Variants in UVRAG observed in about 807,000 individuals in gnomAD.
UVRAG encodes the protein UV radiation resistance associated.
Under a neutral mutation model 78.0 loss-of-function variants are expected in UVRAG, and 19 were observed. The ratio of observed to expected loss-of-function variants is 0.24; its 90% CI spans 0.17 to 0.36. The LOEUF is 0.36. Among genes scored for constraint, UVRAG ranks in the 10% least tolerant of loss-of-function variants. The probability of loss-of-function intolerance (pLI) is 1.00; values close to 1 mark genes in which losing one functional copy is unlikely to be tolerated. For missense variants in UVRAG, 740 were observed against 853.8 expected (o/e 0.87, Z 1.66); for synonymous variants, 323 against 324.6 (o/e 1.00, Z 0.05).
intron 1 of UVRAG, among the ~76,000 whole-genome samples, chr11:75,818,481 A>ATT (rs113579187): frequency 1.3e-4 from 19 of 143,142 alleles, no homozygotes; most frequent in African/African-American, 1.8e-4. Flanking sequence ...CAAGGTATCA[A>ATT]TTTTTTTTTT....
intron 3 of UVRAG, among the ~76,000 whole-genome samples, chr11:75,878,185 G>T (rs1210562851): frequency 6.6e-6 from 1 of 151,238 alleles, no homozygotes; most frequent in African/African-American, 2.4e-5. Context: ...CCCAGACGGG[G>T]TCACGGCCGG....
chr11:75,896,184 G>T (rs1947341005), intron 5 of UVRAG, among the ~76,000 whole-genome samples: 1 of 152,168 alleles, frequency 6.6e-6, no homozygotes, highest in Admixed American at 6.5e-5. Context: ...GAGGAGCTTT[G>T]TTATACCTTG....
chr11:75,880,928 C>CTT (rs773034018), intron 4 of UVRAG, among the ~76,000 whole-genome samples: 3,100 of 87,612 alleles, frequency 0.035, 166 homozygotes, highest in African/African-American at 0.053. Flanking sequence ...TTATTTACTT[C>CTT]TTTTTTTTTT....
At chr11:75,842,626 G>C (rs1204247031) in intron 1 of UVRAG, among the ~76,000 whole-genome samples, 2 of 152,014 alleles carry the variant, frequency 1.3e-5, no homozygotes, top group Non-Finnish European at 2.9e-5. Flanking sequence ...ATTTTTAGTA[G>C]AGACAGGGTT....
chr11:75,844,749 T>C (rs1945998812), intron 1 of UVRAG, among the ~76,000 whole-genome samples: 1 of 151,864 alleles, frequency 6.6e-6, no homozygotes, highest in Non-Finnish European at 1.5e-5. Flanking sequence ...CATGGCTCAC[T>C]GCAGCCTTGG....
At chr11:75,850,715 T>A (rs972113965) in intron 1 of UVRAG, among the ~76,000 whole-genome samples, 3 of 152,174 alleles carry the variant, frequency 2.0e-5, no homozygotes, top group African/African-American at 7.2e-5. Flanking sequence ...CAGGAGAAAA[T>A]TGTTGCTGTA....
At chr11:75,977,639 C>T (rs1949274209) in intron 7 of UVRAG, among the ~76,000 whole-genome samples, 6 of 152,162 alleles carry the variant, frequency 3.9e-5, no homozygotes, top group Admixed American at 2.6e-4. Flanking sequence ...CCTTCTTTGT[C>T]TCTTCTGATC....
intron 13 of UVRAG, 39 bp downstream of exon 13, chr11:76,065,827 C>T (rs1358645840): frequency 6.3e-7 from 1 of 1,587,012 alleles, no homozygotes; most frequent in Non-Finnish European, 8.6e-7. Context: ...ACTTCCCATG[C>T]ACAGCCTGTT....
rs114707624 is a variant in UVRAG, at chr11:75,831,955, C to T, written c.117+16431C>T. The stretch of plus-strand genomic sequence containing the variant: ...AGCATTGAATATCTCATGTAATTTA[C>T]TCATGTAATTTATTGAATGCTGACC... On this transcript the variant is annotated intron_variant, in intron 1 of 14. Coordinates refer to ENST00000356136, the MANE Select transcript of UVRAG (RefSeq NM_003369.4). 8.8e-3 allele frequency among the ~76,000 whole-genome samples: 1,334 copies of T among 152,250 alleles called. 20 individuals carry two copies. The highest frequency in any genetic ancestry group is 0.03 in the African/African-American group (1,257 of 41,522).
intron 2 of UVRAG, among the ~76,000 whole-genome samples, chr11:75,854,952 A>G (rs1200968119): frequency 6.6e-6 from 1 of 152,212 alleles, no homozygotes; most frequent in African/African-American, 2.4e-5. Flanking sequence ...TTACCTTAAC[A>G]AAACTTCTGT....
At chr11:76,046,805 CA>C (rs1349055562) in intron 12 of UVRAG, among the ~76,000 whole-genome samples, 5 of 152,018 alleles carry the variant, frequency 3.3e-5, no homozygotes, top group African/African-American at 9.6e-5. Context: ...GGGAAAATAC[CA>C]GGGGGAAAAA....
chr11:75,993,150 A>G (rs1297077880), intron 8 of UVRAG, among the ~76,000 whole-genome samples: 2 of 152,240 alleles, frequency 1.3e-5, no homozygotes, highest in East Asian at 1.9e-4. Context: ...TGCTAATAAT[A>G]CTGACATAGG....
At chr11:76,003,357 C>T (rs1381999239) in intron 8 of UVRAG, among the ~76,000 whole-genome samples, 1 of 146,920 alleles carries the variant, frequency 6.8e-6, no homozygotes, top group Non-Finnish European at 1.5e-5. Context: ...CTGCAACCTC[C>T]ACCTCCCAGG....
At position 75,824,669 on chromosome 11, in the gene UVRAG, ATTTTTTTTTTTTTT is replaced by A. The variant is rs1217028567; in HGVS notation, c.117+9154_117+9167del. On this transcript the variant is annotated intron_variant, in intron 1 of 14. Transcript: ENST00000356136. ...TGCTGGGGAGAAAAAGAAGTTTGTC[ATTTTTTTTTTTTTT>A]TTTTTTTTGAGGCGGAGTCTCACTC... Among the ~76,000 whole-genome samples the A allele has an allele frequency of 2.5e-5, 3 of 118,658 alleles. No homozygotes were observed. The East Asian group carries it at 7.5e-4, about 30-fold the overall frequency. The allele number at this position is 118,658 out of a possible 152,430, so 77.8% of individuals were successfully genotyped here. A position where few individuals can be genotyped will look rare whatever the true frequency, so the allele number is the denominator to read the frequency against.
At chr11:76,124,594 A>G (rs76226490) in intron 14 of UVRAG, among the ~76,000 whole-genome samples, 13,301 of 152,276 alleles carry the variant, frequency 0.087, 1,279 homozygotes, top group African/African-American at 0.24. Context: ...ACTGAGAAGT[A>G]TCCTTGGCTG....
intron 1 of UVRAG, among the ~76,000 whole-genome samples, 191 bp from the exon 2 acceptor site, chr11:75,851,692 A>G (rs1590933422): frequency 6.6e-6 from 1 of 152,294 alleles, no homozygotes; most frequent in Non-Finnish European, 1.5e-5. Context: ...TGTAAATGAG[A>G]TAGGGCAGGT....
At chr11:76,122,931 G>A (rs1217306412) in intron 14 of UVRAG, among the ~76,000 whole-genome samples, 1 of 152,180 alleles carries the variant, frequency 6.6e-6, no homozygotes, top group East Asian at 1.9e-4. Flanking sequence ...CAAGAACCTT[G>A]TGAGAGTAGC....
intron 7 of UVRAG, among the ~76,000 whole-genome samples, chr11:75,968,278 T>C (rs1484308399): frequency 6.6e-6 from 1 of 152,226 alleles, no homozygotes; most frequent in East Asian, 1.9e-4. Context: ...TCACATATAG[T>C]GTTGTATAAA....
intron 13 of UVRAG, among the ~76,000 whole-genome samples, chr11:76,066,747 A>G (rs1174885139): frequency 6.6e-6 from 1 of 152,186 alleles, no homozygotes; most frequent in Non-Finnish European, 1.5e-5. Context: ...CTGGGATTAC[A>G]GGTGTGAGCC....
Sources: gnomAD v4.1 joint callset for allele counts (sites outside exome capture counted in the v4.1 genomes callset) on GRCh38, gnomAD v4.1.1 for gene constraint, MANE v1.5 for transcripts, NCBI Gene and HGNC (gene_info 2026-07-23, HGNC 2026-07-21) for gene names.